The following TBC1D5 variants were observed in gnomAD, a reference collection of about 807,000 sequenced individuals.
The protein encoded by TBC1D5 is TBC1 domain family, member 5.
TBC1D5 carries 75 observed loss-of-function variants against 100.3 expected under a neutral mutation model. The observed-to-expected ratio is 0.75, with a 90% CI of 0.62 to 0.91. The LOEUF is 0.91. Ranked by LOEUF, TBC1D5 falls within the 40% of genes least tolerant of loss-of-function variation. The pLI is 0.00. For synonymous variants in TBC1D5, 323 were observed against 325.6 expected (o/e 0.99, Z 0.09); for missense variants, 910 against 942.4 (o/e 0.97, Z 0.45).
At chr3:17,724,978 T>C (rs905476391) in intron 1 of TBC1D5, among the ~76,000 whole-genome samples, 1 of 152,214 alleles carries the variant, frequency 6.6e-6, no homozygotes, top group East Asian at 1.9e-4. Flanking sequence ...TTGTAGAGGC[T>C]TCATTGCTTA....
chr3:17,715,891 T>G (rs1168801640), intron 1 of TBC1D5, among the ~76,000 whole-genome samples: 1 of 151,952 alleles, frequency 6.6e-6, no homozygotes, highest in Middle Eastern at 3.2e-3. Context: ...ACCCCATCTC[T>G]ACTAAAAATA....
intron 2 of TBC1D5, among the ~76,000 whole-genome samples, chr3:17,539,710 A>G (rs1483372524): frequency 1.3e-5 from 2 of 152,198 alleles, no homozygotes; most frequent in South Asian, 2.1e-4. Context: ...GCTGAGACGA[A>G]GGGTTCATTC....
At chr3:17,705,768 G>A (rs1453790244) in intron 1 of TBC1D5, among the ~76,000 whole-genome samples, 1 of 141,342 alleles carries the variant, frequency 7.1e-6, no homozygotes, top group Non-Finnish European at 1.5e-5. Context: ...TCCAGACTGG[G>A]CAGCCAGGCA....
At chr3:17,216,365 G>C (rs1036608166) in intron 17 of TBC1D5, among the ~76,000 whole-genome samples, 3 of 151,974 alleles carry the variant, frequency 2.0e-5, no homozygotes, top group African/African-American at 7.2e-5. Context: ...GTTCCCCTTT[G>C]AACTGGCAGA....
At chr3:17,338,726 T>C (rs1316373075) in intron 13 of TBC1D5, among the ~76,000 whole-genome samples, 4 of 152,258 alleles carry the variant, frequency 2.6e-5, no homozygotes, top group Non-Finnish European at 5.9e-5. Flanking sequence ...CACTAGTATG[T>C]AGTACCAGCC....
At chr3:17,261,539 T>A (rs555173959) in intron 15 of TBC1D5, among the ~76,000 whole-genome samples, 2 of 152,130 alleles carry the variant, frequency 1.3e-5, no homozygotes, top group Non-Finnish European at 2.9e-5. Context: ...AGTACTGCTA[T>A]CTTGGCTCAT....
chr3:17,631,694 A>G (rs1307614244), intron 1 of TBC1D5, among the ~76,000 whole-genome samples: 2 of 152,184 alleles, frequency 1.3e-5, no homozygotes, highest in Admixed American at 1.3e-4. Flanking sequence ...AGCCCTTAAG[A>G]GTTATGCTAA....
At chr3:17,352,670 A>C (rs2090741969) in intron 13 of TBC1D5, among the ~76,000 whole-genome samples, 1 of 147,828 alleles carries the variant, frequency 6.8e-6, no homozygotes, top group African/African-American at 2.5e-5. Context: ...TAACTACAAT[A>C]CAAAGCAAAA....
At chr3:17,706,112 G>T in intron 1 of TBC1D5, 1 of 1,606,162 alleles carries the variant, frequency 6.2e-7, no homozygotes, top group Non-Finnish European at 8.5e-7. Context: ...CCTCGAAGGT[G>T]AAGTCCAGCA....
At chr3:17,220,029 A>T (rs1203101382) in intron 17 of TBC1D5, among the ~76,000 whole-genome samples, 1 of 152,080 alleles carries the variant, frequency 6.6e-6, no homozygotes, top group Non-Finnish European at 1.5e-5. Flanking sequence ...AAGAGCTGTG[A>T]GGAAAAAATT....
chr3:17,436,849 A>G (rs1329427358), intron 3 of TBC1D5, among the ~76,000 whole-genome samples: 2 of 152,256 alleles, frequency 1.3e-5, no homozygotes, highest in African/African-American at 4.8e-5. Context: ...TATAAGAGGA[A>G]TTAATTAATG....
chr3:17,184,577 G>T (rs1375053387), intron 19 of TBC1D5: 1 of 151,988 alleles, frequency 6.6e-6, no homozygotes, highest in African/African-American at 2.4e-5. Context: ...ACCCAGGCTG[G>T]AATATAGTGG....
chr3:17,267,785 C>G (rs2078996779), intron 15 of TBC1D5, among the ~76,000 whole-genome samples: 1 of 152,116 alleles, frequency 6.6e-6, no homozygotes, highest in African/African-American at 2.4e-5. Flanking sequence ...AACCAAGGTC[C>G]TGCACATGAA....
intron 2 of TBC1D5, 34 bp from the exon 3 acceptor site, chr3:17,508,639 A>T: frequency 1.9e-6 from 2 of 1,077,714 alleles, no homozygotes; most frequent in Non-Finnish European, 2.9e-6. Flanking sequence ...AAAAATAATA[A>T]ATTCTTTTTC....
chr3:17,734,571 G>A (rs1268712971), intron 1 of TBC1D5, among the ~76,000 whole-genome samples: 2 of 152,178 alleles, frequency 1.3e-5, no homozygotes, highest in Non-Finnish European at 2.9e-5. Flanking sequence ...GCCTATCTAC[G>A]TAAGATACCT....
chr3:17,159,767 G>A (rs530508256), exon 22 of TBC1D5: 4 of 152,308 alleles, frequency 2.6e-5, no homozygotes, highest in African/African-American at 7.2e-5. Context: ...CCCAGGATAC[G>A]GGGTTCACAG....
intron 3 of TBC1D5, among the ~76,000 whole-genome samples, chr3:17,467,245 A>G (rs2095314757): frequency 6.8e-6 from 1 of 146,792 alleles, no homozygotes; most frequent in African/African-American, 2.5e-5. Flanking sequence ...AATGCTAACT[A>G]TTAAGTCCAC....
chr3:17,334,098 G>C (rs1171847576), intron 13 of TBC1D5, among the ~76,000 whole-genome samples: 1 of 152,064 alleles, frequency 6.6e-6, no homozygotes, highest in African/African-American at 2.4e-5. Flanking sequence ...AAAGGATTAA[G>C]GTGACAAGTC....
chr3:17,413,507 T>C (rs954711181), intron 4 of TBC1D5, among the ~76,000 whole-genome samples: 6 of 151,990 alleles, frequency 3.9e-5, no homozygotes, highest in African/African-American at 1.2e-4. Context: ...AATGAGATTA[T>C]CTATTTGTAA....
Sources: gnomAD v4.1 joint callset for allele counts (sites outside exome capture counted in the v4.1 genomes callset) on GRCh38, gnomAD v4.1.1 for gene constraint, MANE v1.5 for transcripts, NCBI Gene and HGNC (gene_info 2026-07-23, HGNC 2026-07-21) for gene names.